The following KCNT1 variants were observed in gnomAD, a reference collection of about 807,000 sequenced individuals.
KCNT1 encodes potassium channel subfamily T member 1.
A neutral mutation model predicts 147.8 loss-of-function variants in KCNT1; 78 were observed. That is an observed-to-expected ratio of 0.53 (90% CI 0.44 to 0.64). The LOEUF (loss-of-function observed/expected upper bound fraction) is 0.64, where lower values mean the gene tolerates loss of function less well. Ranked by LOEUF, KCNT1 falls within the 30% of genes least tolerant of loss-of-function variation. KCNT1 has a pLI of 0.00. For synonymous variants in KCNT1, 867 were observed against 748.8 expected, an observed-to-expected ratio of 1.16 and a Z score of -2.58; for missense variants, 1,419 against 1,750.3, an observed-to-expected ratio of 0.81 and a Z score of 3.38.
At chr9:135,791,620 A>G (rs868209604) in intron 29 of KCNT1, 177 bp from the exon 30 acceptor site, 7 of 603,360 alleles carry the variant, frequency 1.2e-5, no homozygotes, top group Middle Eastern at 4.3e-4. Flanking sequence ...GAGATGGGAC[A>G]GGTGTCGGTC....
intron 21 of KCNT1, among the ~76,000 whole-genome samples, chr9:135,778,004 C>T (rs1411297633): frequency 9.1e-6 from 1 of 109,340 alleles, no homozygotes; most frequent in Non-Finnish European, 1.9e-5. Flanking sequence ...GCTCCTGTGG[C>T]TCCCAGCTCC....
chr9:135,793,156 G>C lies in KCNT1; in HGVS notation c.*995G>C, dbSNP rs1351424731. The stretch of plus-strand genomic sequence containing the variant: ...CTGGAGGCATGAAGTTACAAGTCAA[G>C]TCGCCCTGCTCGTGTTTCCAAGGCT... On this transcript the variant is annotated 3_prime_UTR_variant, in exon 31 of 31. Coordinates refer to ENST00000371757, the MANE Select transcript of KCNT1 (RefSeq NM_020822.3). 6.6e-6 allele frequency: 1 copy of C among 152,224 alleles called. No homozygotes were observed. The highest frequency in any genetic ancestry group is 6.5e-5 in the Admixed American group (1 of 15,290). 9.4% of individuals were successfully genotyped at this position (152,224 alleles called of 1,614,324 possible).
intron 28 of KCNT1, 25 bp from the exon 29 acceptor site, chr9:135,786,172 C>CAG (rs757185546): frequency 1.6e-5 from 17 of 1,093,762 alleles, no homozygotes; most frequent in South Asian, 1.2e-4. Context: ...CCCCTCCCCG[C>CAG]CCTGCCCTGC....
intron 2 of KCNT1, among the ~76,000 whole-genome samples, chr9:135,722,271 G>A (rs910587266): frequency 6.6e-5 from 10 of 151,926 alleles, no homozygotes; most frequent in African/African-American, 9.7e-5. Context: ...GCGTCCCCTG[G>A]GGCTGCATCC....
At chr9:135,783,422 C>T (rs974713658) in intron 24 of KCNT1, among the ~76,000 whole-genome samples, 2 of 152,222 alleles carry the variant, frequency 1.3e-5, no homozygotes, top group Non-Finnish European at 2.9e-5. Flanking sequence ...GGGGCCCTGC[C>T]CAGGCCTGGA....
chr9:135,710,533 T>G (rs1052820641), intron 1 of KCNT1, among the ~76,000 whole-genome samples: 1 of 152,164 alleles, frequency 6.6e-6, no homozygotes, highest in African/African-American at 2.4e-5. Flanking sequence ...TCCAATACCA[T>G]AGGACGAGGA....
At chr9:135,704,235 C>G (rs547635302) in intron 1 of KCNT1, among the ~76,000 whole-genome samples, 1 of 152,106 alleles carries the variant, frequency 6.6e-6, no homozygotes, top group Non-Finnish European at 1.5e-5. Context: ...GGTGCCAGGC[C>G]TTGAGCAGGC....
chr9:135,777,979 T>A (rs914841077), intron 21 of KCNT1, among the ~76,000 whole-genome samples: 2 of 151,062 alleles, frequency 1.3e-5, no homozygotes, highest in Non-Finnish European at 2.9e-5. Flanking sequence ...GTCTCCCAGC[T>A]CCTCCATGCT....
At chr9:135,748,724 T>A (rs1270424203) in intron 2 of KCNT1, among the ~76,000 whole-genome samples, 1 of 152,208 alleles carries the variant, frequency 6.6e-6, no homozygotes, top group Non-Finnish European at 1.5e-5. Context: ...TCCTCCAGGC[T>A]CCGCTGTCTG....
intron 1 of KCNT1, among the ~76,000 whole-genome samples, chr9:135,709,248 T>C (rs950154537): frequency 6.6e-6 from 1 of 152,148 alleles, no homozygotes. Flanking sequence ...ATTCTGTTTG[T>C]GTAGTGATGC....
At chr9:135,770,486 G>GCTGCT (rs1308700781) in intron 17 of KCNT1, 39 bp downstream of exon 17, 1 of 1,584,560 alleles carries the variant, frequency 6.3e-7, no homozygotes, top group Non-Finnish European at 8.6e-7. Context: ...GCGCTCCAGG[G>GCTGCT]CTGCTCTGCT....
chr9:135,714,857 G>C lies in KCNT1; in HGVS notation c.254+137G>C, dbSNP rs74851432. ...GCCCTTCAACTTTTCCCGGCTTCTG[G>C]GGACGCAGAAGTTTCGGAGGGGGTG... On this transcript the variant is annotated intron_variant, in intron 2 of 30. Coordinates refer to ENST00000371757, the MANE Select transcript of KCNT1 (RefSeq NM_020822.3). The surrounding 1 kb of genome is among the most constrained non-coding windows in gnomAD (Gnocchi z 6.2). 5.5e-3 allele frequency: 3,026 copies of C among 554,090 alleles called. 11 individuals are homozygous for C. Among genetic ancestry groups the C allele is most frequent in the Non-Finnish European group, 6.6e-3 (2,697 of 406,812 alleles). 34.3% of individuals were successfully genotyped at this position (554,090 alleles called of 1,614,324 possible).
chr9:135,758,316 C>CAGGTGCA (rs1564353969), intron 9 of KCNT1, 98 bp from the exon 10 acceptor site: 38 of 911,222 alleles, frequency 4.2e-5, no homozygotes, highest in East Asian at 2.5e-4. Flanking sequence ...CAGGTGTGGC[C>CAGGTGCA]GGGCCGTCTG....
chr9:135,719,714 G>A (rs1018196198), intron 2 of KCNT1, among the ~76,000 whole-genome samples: 2 of 152,290 alleles, frequency 1.3e-5, no homozygotes, highest in Admixed American at 6.5e-5. Context: ...AGGAAGCTTC[G>A]TCCCTGAGCA....
intron 20 of KCNT1, 37 bp downstream of exon 20, chr9:135,775,452 G>C: frequency 6.5e-7 from 1 of 1,527,086 alleles, no homozygotes; most frequent in Non-Finnish European, 9.0e-7. Flanking sequence ...TGCACCCCCA[G>C]ACGCCAGCAC....
intron 2 of KCNT1, among the ~76,000 whole-genome samples, chr9:135,726,864 TCTC>T (rs1836175895): frequency 9.3e-6 from 1 of 107,770 alleles, no homozygotes; most frequent in Non-Finnish European, 2.0e-5. Flanking sequence ...CCTCTCCCTC[TCTC>T]TTTCCCATTC....
At chr9:135,746,521 T>C (rs1399725365) in intron 2 of KCNT1, among the ~76,000 whole-genome samples, 2 of 152,160 alleles carry the variant, frequency 1.3e-5, no homozygotes, top group African/African-American at 2.4e-5. Flanking sequence ...GTCCTGGCAA[T>C]GGGCAGGGTT....
At chr9:135,750,404 C>G in intron 3 of KCNT1, 1 of 583,254 alleles carries the variant, frequency 1.7e-6, no homozygotes. Flanking sequence ...AGACCAGGGC[C>G]TCTGCAGCGG....
Position 135,752,241 on chromosome 9 carries a change from C to T in KCNT1, c.434+1200C>T. The T allele has an allele frequency of 2.5e-6, 1 of 400,002 alleles. No homozygotes were observed. Among genetic ancestry groups the T allele is most frequent in the Middle Eastern group, 3.6e-4 (1 of 2,770 alleles). The allele number at this position is 400,002 out of a possible 1,614,324, so 24.8% of individuals were successfully genotyped here. ...GAAGGCCTGACTGCCGGGAGCCTGG[C>T]TTCTGGGGACCTAAAGGCGTCCATG... is the stretch of plus-strand genomic sequence containing the variant. On this transcript the variant is annotated intron_variant, in intron 4 of 30. Transcript: ENST00000371757. This position sits in a 1 kb window ranked among gnomAD's most constrained non-coding sequence, Gnocchi z 5.1.
Sources: gnomAD v4.1 joint callset for allele counts (sites outside exome capture counted in the v4.1 genomes callset) on GRCh38, gnomAD v4.1.1 for gene constraint, Gnocchi (gnomAD v3.1) non-coding constraint, MANE v1.5 for transcripts, NCBI Gene and HGNC (gene_info 2026-07-23, HGNC 2026-07-21) for gene names.